The following CEP250 variants were observed in gnomAD, a reference collection of about 807,000 sequenced individuals.
The protein encoded by CEP250 is centrosome-associated protein CEP250.
CEP250 carries 242 observed loss-of-function variants against 315.7 expected under a neutral mutation model. The ratio of observed to expected loss-of-function variants is 0.77; its 90% CI spans 0.69 to 0.85. The LOEUF (loss-of-function observed/expected upper bound fraction) is 0.85, where lower values mean the gene tolerates loss of function less well. Among genes scored for constraint, CEP250 ranks in the 40% least tolerant of loss-of-function variants. The pLI is 0.00. For missense variants in CEP250, 2,515 were observed against 2,886.4 expected (o/e 0.87, Z 2.95); for synonymous variants, 1,088 against 1,175.0 (o/e 0.93, Z 1.51).
At chr20:35,481,572 C>T (rs2063343636) in intron 20 of CEP250, among the ~76,000 whole-genome samples, 1 of 149,348 alleles carries the variant, frequency 6.7e-6, no homozygotes, top group African/African-American at 2.5e-5. Flanking sequence ...GAATTGATAC[C>T]TTTTCTGTTC....
At chr20:35,507,509 G>C (rs905181268) in intron 30 of CEP250, among the ~76,000 whole-genome samples, 4 of 152,272 alleles carry the variant, frequency 2.6e-5, no homozygotes, top group Non-Finnish European at 5.9e-5. Flanking sequence ...TGGGGGCTCT[G>C]ATCCTAGCTT....
intron 32 of CEP250, 87 bp downstream of exon 32, chr20:35,508,277 G>C: frequency 7.4e-7 from 1 of 1,355,468 alleles, no homozygotes; most frequent in Non-Finnish European, 1.0e-6. Flanking sequence ...CAGCCTGTGG[G>C]CCAAATCCAG....
In CEP250 at chr20:35,467,360, G is replaced by C. The variant is rs775896863; in HGVS notation, c.656G>C (p.Cys219Ser). ...HVRLSGSLLT[C>S]CLRLTVGAQS... is the part of the protein sequence containing the mutation. ...AGGCTTTCAGGGTCTCTGTTGACCT[G>C]TTGTCTGCGCTTGACTGTGGGAGCA... The change falls in exon 9 of 35, where the codon TGT becomes TCT. Residue 219 changes from cysteine (C) to serine (S), a missense_variant. Physicochemically the swap from Cys to Ser is moderately radical, Grantham distance 112 (BLOSUM62 -1). Coordinates refer to ENST00000397527, the MANE Select transcript of CEP250 (RefSeq NM_007186.6). 1.5e-5 allele frequency: 25 copies of C among 1,614,074 alleles called. No homozygotes were observed. The South Asian group carries it at 2.2e-4, about 14-fold the overall frequency.
chr20:35,478,394 G>C (rs1693740152), intron 17 of CEP250, among the ~76,000 whole-genome samples: 1 of 152,096 alleles, frequency 6.6e-6, no homozygotes, highest in African/African-American at 2.4e-5. Flanking sequence ...GTGAAACCCT[G>C]TCTCTACTAA....
chr20:35,492,381 G>A (rs370794534), intron 22 of CEP250, among the ~76,000 whole-genome samples: 92 of 152,158 alleles, frequency 6.0e-4, no homozygotes, highest in African/African-American at 2.2e-3. Flanking sequence ...TGATGGAAAT[G>A]TTCTAAGATT....
At chr20:35,465,420 CAAAAAAAAAAAA>C (rs80078387) in intron 5 of CEP250, among the ~76,000 whole-genome samples, 1 of 59,058 alleles carries the variant, frequency 1.7e-5, no homozygotes, top group African/African-American at 6.1e-5. Flanking sequence ...ACTCTGTCTC[CAAAAAAAAAAAA>C]AAAAAAAATG....
chr20:35,456,327 G>A (rs2062624316), intron 1 of CEP250, among the ~76,000 whole-genome samples: 1 of 152,226 alleles, frequency 6.6e-6, no homozygotes, highest in Admixed American at 6.5e-5. Flanking sequence ...ATAAGTGGAT[G>A]GAGCTGGGAA....
chr20:35,480,094 G>A lies in CEP250; in HGVS notation c.2535G>A (p.Glu845=), dbSNP rs1348006329. The A allele has an allele frequency of 1.5e-5, 24 of 1,612,536 alleles. No homozygotes were observed. Among genetic ancestry groups the A allele is most frequent in the Non-Finnish European group, 2.0e-5 (24 of 1,180,042 alleles). The change falls in exon 20 of 35, where the codon GAG becomes GAA. Residue 845 remains glutamate, a synonymous_variant. Transcript: ENST00000397527. ...QAEQEGKTAL[E]QQKAAHEKEV... ...AGCAAGAAGGGAAGACTGCCTTGGA[G>A]CAGCAGAAGGCAGCCCATGAGAAAG...
chr20:35,500,113 G>T lies in CEP250; in HGVS notation c.3842G>T (p.Ser1281Ile), dbSNP rs1247472770. The change falls in exon 28 of 35, where the codon AGC becomes ATC. Residue 1281 changes from serine to isoleucine, a missense_variant. Ser to Ile is a moderately radical substitution (Grantham distance 142). Transcript: ENST00000397527. ...ERLTDTEAEK[S>I]QVHTELQDLQ... is the part of the protein sequence containing the mutation. ...CTAACTGATACTGAGGCTGAGAAGAGCCAGGTCCACACAGAGTTGCAGGAT... is the reference window on the plus strand; with the variant it reads ...CTAACTGATACTGAGGCTGAGAAGATCCAGGTCCACACAGAGTTGCAGGAT... 6.2e-7 allele frequency: 1 copy of T among 1,613,856 alleles called. No individual in the cohort carries two copies. The highest frequency in any genetic ancestry group is 8.5e-7 in the Non-Finnish European group (1 of 1,179,986).
Position 35,479,601 on chromosome 20 carries a change from G to A in CEP250, c.2289-45G>A, listed in dbSNP as rs753116366. The stretch of plus-strand genomic sequence containing the variant: ...CCCAGCTCCTCTTGAGGAAGGGTAA[G>A]GGGCTTGATGGGTAAGAAACTCTTC... On this transcript the variant is annotated intron_variant, in intron 18 of 34. Transcript: ENST00000397527. 4 of 1,607,062 alleles carry A rather than the reference G, an allele frequency of 2.5e-6. No homozygotes were observed. The African/African-American group carries it at 4.0e-5, about 16-fold the overall frequency.
chr20:35,494,976 C>CA (rs1223248420), intron 24 of CEP250, among the ~76,000 whole-genome samples: 2 of 152,116 alleles, frequency 1.3e-5, no homozygotes, highest in African/African-American at 4.8e-5. Context: ...CAAATTATTA[C>CA]GTTATGACAC....
chr20:35,477,905 T>C lies in CEP250; in HGVS notation c.1898T>C (p.Met633Thr). 2 of 1,597,882 alleles carry C rather than the reference T, an allele frequency of 1.3e-6. No individual in the cohort carries two copies. The highest frequency in any genetic ancestry group is 8.5e-7 in the Non-Finnish European group (1 of 1,172,430). ...EEENQSVCSR[M>T]EAAEQARNAL... ...GAGAACCAGTCTGTGTGCAGCAGAA[T>C]GGAGGCCGCAGAGCAGGCGAGAAAT... Residue 633 changes from methionine to threonine, a missense_variant, in exon 17 of 35, where the codon ATG (methionine) becomes ACG (threonine). Met to Thr is a moderately conservative substitution (Grantham distance 81). Transcript: ENST00000397527.
At chr20:35,480,215 T>C (rs1382669163) in intron 20 of CEP250, 70 bp downstream of exon 20, 11 of 1,448,490 alleles carry the variant, frequency 7.6e-6, no homozygotes, top group African/African-American at 1.4e-5. Context: ...CTTGGTCCAG[T>C]TATTGCTGCT....
chr20:35,483,707 T>A (rs1173903516), intron 20 of CEP250, among the ~76,000 whole-genome samples: 1 of 152,048 alleles, frequency 6.6e-6, no homozygotes, highest in Non-Finnish European at 1.5e-5. Context: ...GTACTCTGGT[T>A]AGTTGTATGT....
Position 35,511,776 on chromosome 20 carries a change from C to A in CEP250, c.*150C>A. 4 of 1,424,370 alleles carry A rather than the reference C, an allele frequency of 2.8e-6. No homozygotes were observed. The highest frequency in any genetic ancestry group is 2.7e-6 in the Non-Finnish European group (3 of 1,092,874). The allele number at this position is 1,424,370 out of a possible 1,614,324, so 88.2% of individuals were successfully genotyped here. A position where few individuals can be genotyped will look rare whatever the true frequency, so the allele number is the denominator to read the frequency against. ...GTGTTCCCAGGAAGAGGAAGTAAAT[C>A]TGCAACCCTGGGGAGGACCCCAACT... On this transcript the variant is annotated 3_prime_UTR_variant, in exon 35 of 35. Transcript: ENST00000397527.
intron 17 of CEP250, among the ~76,000 whole-genome samples, chr20:35,478,872 A>C: frequency 6.6e-6 from 1 of 152,046 alleles, no homozygotes; most frequent in East Asian, 1.9e-4. Context: ...TCCTCTACAA[A>C]ACCTCTCATT....
At chr20:35,487,927 G>A (rs748158784) in intron 20 of CEP250, among the ~76,000 whole-genome samples, 1 of 152,132 alleles carries the variant, frequency 6.6e-6, no homozygotes, top group Non-Finnish European at 1.5e-5. Context: ...CCATCACTTG[G>A]CTGCCCATTT....
intron 29 of CEP250, 70 bp downstream of exon 29, chr20:35,502,036 G>T: frequency 6.5e-7 from 1 of 1,532,428 alleles, no homozygotes; most frequent in South Asian, 1.2e-5. Flanking sequence ...TTGGCCTGTG[G>T]TCCTGTGTCC....
chr20:35,482,561 T>A (rs908419732), intron 20 of CEP250, among the ~76,000 whole-genome samples: 3 of 151,010 alleles, frequency 2.0e-5, no homozygotes, highest in African/African-American at 4.9e-5. Context: ...ATATTTTTTT[T>A]TATTTTTTAT....
Sources: gnomAD v4.1 joint callset for allele counts (sites outside exome capture counted in the v4.1 genomes callset) on GRCh38, gnomAD v4.1.1 for gene constraint, MANE v1.5 for transcripts, NCBI Gene and HGNC (gene_info 2026-07-23, HGNC 2026-07-21) for gene names.